The following FRAS1 variants were observed in gnomAD, a reference collection of about 807,000 sequenced individuals.
FRAS1 encodes extracellular matrix organizing protein FRAS1.
FRAS1 carries 290 observed loss-of-function variants against 435.2 expected under a neutral mutation model. That is an observed-to-expected ratio of 0.67 (90% confidence interval 0.61 to 0.73). The LOEUF is 0.73. Among genes scored for constraint, FRAS1 ranks in the 30% least tolerant of loss-of-function variants. The pLI, the probability that FRAS1 is intolerant of heterozygous loss-of-function variation, is 0.00. For missense variants in FRAS1, 4,860 were observed against 5,001.5 expected (o/e 0.97, Z 0.85); for synonymous variants, 1,800 against 1,851.0 (o/e 0.97, Z 0.71).
chr4:78,074,310 G>A (rs908034242), intron 2 of FRAS1, among the ~76,000 whole-genome samples: 1 of 152,124 alleles, frequency 6.6e-6, no homozygotes, highest in African/African-American at 2.4e-5. Context: ...TGTTCTTACT[G>A]TATTGAGTTT....
intron 2 of FRAS1, among the ~76,000 whole-genome samples, chr4:78,121,034 C>T (rs1355848376): frequency 6.6e-6 from 1 of 152,174 alleles, no homozygotes; most frequent in Non-Finnish European, 1.5e-5. Context: ...TCCTTTGATA[C>T]TTTAGCACTT....
intron 20 of FRAS1, among the ~76,000 whole-genome samples, chr4:78,357,939 T>C (rs1230375537): frequency 2.0e-5 from 3 of 152,176 alleles, no homozygotes; most frequent in Admixed American, 1.3e-4. Flanking sequence ...TTCTATCTCC[T>C]GTGCCCTGGG....
chr4:78,236,286 G>GAATT (rs1724755949), intron 2 of FRAS1, among the ~76,000 whole-genome samples: 2 of 58,166 alleles, frequency 3.4e-5, no homozygotes, highest in Admixed American at 5.1e-4. Context: ...TGAAATAGTT[G>GAATT]CATTTATTTA....
At chr4:78,500,746 A>C (rs752617019) in intron 61 of FRAS1, among the ~76,000 whole-genome samples, 27 of 152,124 alleles carry the variant, frequency 1.8e-4, no homozygotes, top group Admixed American at 4.6e-4. Flanking sequence ...TTCTGGCTCC[A>C]TCCCATCTGT....
At chr4:78,127,380 T>G (rs987290248) in intron 2 of FRAS1, among the ~76,000 whole-genome samples, 10 of 152,158 alleles carry the variant, frequency 6.6e-5, no homozygotes, top group African/African-American at 1.9e-4. Context: ...AGTTTTGCTC[T>G]GGGGAGAGAT....
In FRAS1 at chr4:78,387,598, A is replaced by T; in HGVS notation, c.3872A>T (p.Tyr1291Phe). The T allele has an allele frequency of 1.2e-6, 2 of 1,613,628 alleles. No individual in the cohort carries two copies. Among genetic ancestry groups the T allele is most frequent in the Non-Finnish European group, 1.7e-6 (2 of 1,179,688 alleles). ...GAACTCTCTAGAGGCCTTCTCCACTATGCTCATGATGGTTCAGACAGCACA... is the reference window on the plus strand; with the variant it reads ...GAACTCTCTAGAGGCCTTCTCCACTTTGCTCATGATGGTTCAGACAGCACA... ...LDELSRGLLH[Y>F]AHDGSDSTSD... The change falls in exon 29 of 74, where the codon TAT becomes TTT. Residue 1291 changes from tyrosine to phenylalanine, a missense_variant. Transcript: ENST00000512123.
chr4:78,442,702 C>G (rs890806034), intron 41 of FRAS1, among the ~76,000 whole-genome samples: 3 of 152,176 alleles, frequency 2.0e-5, no homozygotes, highest in African/African-American at 7.2e-5. Context: ...GCTTCAGCCT[C>G]TCTAAAAAGT....
chr4:78,255,358 C>G lies in FRAS1; in HGVS notation c.586C>G (p.Pro196Ala). ...VAQCFTAQCQ[P>A]LFCNQDETVV... is the part of the protein sequence containing the mutation. The stretch of plus-strand genomic sequence containing the variant: ...CCAGTGCTTCACAGCTCAGTGTCAG[C>G]CTCTATTTTGTAACCAGGTAAGGAA... Residue 196 changes from proline to alanine, a missense_variant, in exon 6 of 74, where the codon CCT (proline) becomes GCT (alanine). By Grantham distance (27) the Pro-to-Ala change is conservative. Transcript: ENST00000512123. 2 of 1,592,998 alleles carry G rather than the reference C, an allele frequency of 1.3e-6. No individual in the cohort carries two copies. Among genetic ancestry groups the G allele is most frequent in the Non-Finnish European group, 8.6e-7 (1 of 1,169,174 alleles).
chr4:78,277,209 C>T (rs1400728004), intron 9 of FRAS1, among the ~76,000 whole-genome samples: 2 of 152,354 alleles, frequency 1.3e-5, no homozygotes, highest in African/African-American at 2.4e-5. Context: ...CAGGTGCCGT[C>T]TGTCACAGCT....
At chr4:78,223,098 A>T (rs1724123836) in intron 2 of FRAS1, among the ~76,000 whole-genome samples, 1 of 152,204 alleles carries the variant, frequency 6.6e-6, no homozygotes, top group African/African-American at 2.4e-5. Context: ...TAGAGAATAC[A>T]ACCGGTGTGT....
intron 2 of FRAS1, among the ~76,000 whole-genome samples, chr4:78,193,754 G>C (rs1332205655): frequency 1.3e-5 from 2 of 152,118 alleles, no homozygotes; most frequent in African/African-American, 4.8e-5. Flanking sequence ...TTTAATTGGA[G>C]CATTTAGCCC....
intron 2 of FRAS1, among the ~76,000 whole-genome samples, chr4:78,093,970 C>G (rs1016353330): frequency 7.2e-5 from 11 of 152,242 alleles, no homozygotes; most frequent in Admixed American, 3.9e-4. Flanking sequence ...AGCTCACCCC[C>G]CTCCCCTTCC....
intron 2 of FRAS1, among the ~76,000 whole-genome samples, chr4:78,206,144 G>C (rs1289199766): frequency 2.0e-5 from 3 of 152,146 alleles, no homozygotes; most frequent in Non-Finnish European, 2.9e-5. Context: ...AGGATCTTGA[G>C]ATAGGAGTTA....
intron 47 of FRAS1, among the ~76,000 whole-genome samples, chr4:78,463,327 GA>G (rs1031650196): frequency 6.6e-5 from 10 of 152,074 alleles, no homozygotes; most frequent in South Asian, 2.1e-4. Context: ...AATTAATAGA[GA>G]AAAAATGATT....
Position 78,519,405 on chromosome 4 carries a change from C to T in FRAS1, c.10464C>T (p.Pro3488=), listed in dbSNP as rs1169728017. 1 of 1,611,218 alleles carries T rather than the reference C, an allele frequency of 6.2e-7. No individual in the cohort carries two copies. The highest frequency in any genetic ancestry group is 1.3e-5 in the African/African-American group (1 of 74,740). ...TGTCCTACATCTATGTGACAGCCCC[C>T]AGGGGCTGGGCCTCCTTGGAGCACC... is the stretch of plus-strand genomic sequence containing the variant. ...LYVSYIYVTA[P]RGWASLEHHT... Residue 3488 remains proline, a synonymous_variant, in exon 67 of 74, where the codon CCC becomes CCT. Transcript: ENST00000512123.
At chr4:78,531,401 C>T (rs989438989) in intron 70 of FRAS1, among the ~76,000 whole-genome samples, 1 of 152,156 alleles carries the variant, frequency 6.6e-6, no homozygotes, top group Non-Finnish European at 1.5e-5. Flanking sequence ...TGAGAGAGGG[C>T]ATCCTTGTCT....
intron 2 of FRAS1, among the ~76,000 whole-genome samples, chr4:78,112,610 T>G (rs534671159): frequency 2.0e-5 from 3 of 152,278 alleles, no homozygotes; most frequent in South Asian, 4.2e-4. Flanking sequence ...TAAGTAGTAC[T>G]TGTTCTTGCC....
intron 2 of FRAS1, among the ~76,000 whole-genome samples, chr4:78,093,873 G>T (rs1741652819): frequency 6.6e-6 from 1 of 152,112 alleles, no homozygotes; most frequent in African/African-American, 2.4e-5. Context: ...TTACTTAGCA[G>T]CAATTTCAGA....
intron 2 of FRAS1, among the ~76,000 whole-genome samples, chr4:78,235,239 A>C (rs1297425550): frequency 6.6e-6 from 1 of 152,192 alleles, no homozygotes; most frequent in Non-Finnish European, 1.5e-5. Flanking sequence ...AGCGACATTG[A>C]GACTAGTGTT....
Sources: gnomAD v4.1 joint callset for allele counts (sites outside exome capture counted in the v4.1 genomes callset) on GRCh38, gnomAD v4.1.1 for gene constraint, MANE v1.5 for transcripts, NCBI Gene and HGNC (gene_info 2026-07-23, HGNC 2026-07-21) for gene names.